DENND2C: variants seen among roughly 807,000 people sequenced by gnomAD.
DENND2C encodes the protein DENN domain containing 2C.
Under a neutral mutation model 112.4 loss-of-function variants are expected in DENND2C, and 72 were observed. The observed-to-expected ratio is 0.64, with a 90% CI of 0.53 to 0.78. The LOEUF (loss-of-function observed/expected upper bound fraction) is 0.78, where lower values mean the gene tolerates loss of function less well. Among genes scored for constraint, DENND2C ranks in the 30% least tolerant of loss-of-function variants. The pLI, the probability that DENND2C is intolerant of heterozygous loss-of-function variation, is 0.00. For synonymous variants in DENND2C, 329 were observed against 381.6 expected, an observed-to-expected ratio of 0.86 and a Z score of 1.61; for missense variants, 992 against 1,113.8, an observed-to-expected ratio of 0.89 and a Z score of 1.56.
At chr1:114,623,415 T>C in intron 5 of DENND2C, 92 bp downstream of exon 5, 4 of 1,281,276 alleles carry the variant, frequency 3.1e-6, no homozygotes, top group Non-Finnish European at 4.4e-6. Flanking sequence ...GAGCAATATA[T>C]GCTTGATTAT....
intron 1 of DENND2C, among the ~76,000 whole-genome samples, chr1:114,657,691 AG>A (rs2101695476): frequency 6.6e-6 from 1 of 152,352 alleles, no homozygotes; most frequent in East Asian, 1.9e-4. Context: ...GAATTGGATG[AG>A]AAAAAAGAAT....
Position 114,583,745 on chromosome 1 carries a change from T to C in DENND2C, c.*1855A>G, listed in dbSNP as rs1654965050. 7.2e-6 allele frequency: 1 copy of C among 139,196 alleles called. No homozygotes were observed. 8.6% of individuals were successfully genotyped at this position (139,196 alleles called of 1,614,324 possible). On this transcript the variant is annotated 3_prime_UTR_variant, in exon 21 of 21. Coordinates refer to ENST00000393274, the MANE Select transcript of DENND2C (RefSeq NM_001256404.2). ...TTGCTTGAAGCCGGGAGGCGGAGGT[T>C]GCAGTGAGCCGAGATCACACCATTG...
intron 3 of DENND2C, among the ~76,000 whole-genome samples, chr1:114,642,957 G>A (rs1656884046): frequency 6.6e-6 from 1 of 152,088 alleles, no homozygotes; most frequent in Non-Finnish European, 1.5e-5. Context: ...CTCCTTTTGT[G>A]TGCTTCTATT....
chr1:114,622,974 T>C lies in DENND2C; in HGVS notation c.1056+13A>G. On this transcript the variant is annotated intron_variant, in intron 6 of 20. Transcript: ENST00000393274. ...GATTCTAATGTTTTCTTCAATTCATTATCTGGTTATACCTTGGGTGCTTTA... is the reference window on the plus strand; with the variant it reads ...GATTCTAATGTTTTCTTCAATTCATCATCTGGTTATACCTTGGGTGCTTTA... 1 of 1,575,724 alleles carries C rather than the reference T, an allele frequency of 6.3e-7. No individual in the cohort carries two copies. The highest frequency in any genetic ancestry group is 8.6e-7 in the Non-Finnish European group (1 of 1,156,482).
chr1:114,589,378 G>C (rs573040856), intron 18 of DENND2C, among the ~76,000 whole-genome samples: 241 of 152,292 alleles, frequency 1.6e-3, no homozygotes, highest in African/African-American at 5.3e-3. Context: ...TATGCAGCTA[G>C]CAGGGCTGAC....
intron 3 of DENND2C, among the ~76,000 whole-genome samples, chr1:114,644,123 C>A (rs1022103057): frequency 6.6e-6 from 1 of 152,122 alleles, no homozygotes; most frequent in Non-Finnish European, 1.5e-5. Context: ...CACCACTTAT[C>A]ATCTTTACTG....
intron 1 of DENND2C, among the ~76,000 whole-genome samples, chr1:114,668,409 A>G (rs1657701926): frequency 6.6e-6 from 1 of 152,178 alleles, no homozygotes; most frequent in African/African-American, 2.4e-5. Flanking sequence ...GACTCACTAC[A>G]GACCATTTAA....
intron 16 of DENND2C, among the ~76,000 whole-genome samples, chr1:114,596,848 C>T (rs1655356273): frequency 6.6e-6 from 1 of 151,868 alleles, no homozygotes; most frequent in Admixed American, 6.6e-5. Flanking sequence ...GACGGTTATC[C>T]ATATAAAAAC....
chr1:114,646,843 T>C (rs1657001809), intron 2 of DENND2C, among the ~76,000 whole-genome samples: 1 of 152,126 alleles, frequency 6.6e-6, no homozygotes, highest in South Asian at 2.1e-4. Context: ...AGCTTTAATG[T>C]TCACCATTTC....
chr1:114,636,787 A>T (rs1557953835), intron 3 of DENND2C, among the ~76,000 whole-genome samples: 2 of 152,274 alleles, frequency 1.3e-5, no homozygotes, highest in East Asian at 3.9e-4. Context: ...TTGTAAATGT[A>T]GGAATTCCTA....
chr1:114,633,012 A>C (rs1355939576), intron 3 of DENND2C, among the ~76,000 whole-genome samples: 3 of 152,140 alleles, frequency 2.0e-5, no homozygotes, highest in Non-Finnish European at 4.4e-5. Flanking sequence ...ATCTCTTTAG[A>C]AGATGACTTG....
At chr1:114,655,866 T>TTA (rs1363716385) in intron 1 of DENND2C, among the ~76,000 whole-genome samples, 33 of 62,460 alleles carry the variant, frequency 5.3e-4, no homozygotes, top group Non-Finnish European at 7.7e-4. Context: ...CAAAGAACTT[T>TTA]TATATATATA....
chr1:114,599,495 TAAGGA>T (rs1407757583), intron 15 of DENND2C, 44 bp from the exon 16 acceptor site: 1 of 1,454,394 alleles, frequency 6.9e-7, no homozygotes, highest in Non-Finnish European at 9.2e-7. Flanking sequence ...TAGAGTAACA[TAAGGA>T]GGACATTTCA....
chr1:114,657,344 T>C (rs566094764), intron 1 of DENND2C, among the ~76,000 whole-genome samples: 1 of 152,366 alleles, frequency 6.6e-6, no homozygotes, highest in East Asian at 1.9e-4. Context: ...ATTATTTTTA[T>C]ACATCATCAT....
intron 2 of DENND2C, among the ~76,000 whole-genome samples, chr1:114,654,205 G>C (rs1267729712): frequency 6.6e-6 from 1 of 152,142 alleles, no homozygotes; most frequent in African/African-American, 2.4e-5. Context: ...GGCTGAGGTG[G>C]GTGGATCACG....
intron 1 of DENND2C, among the ~76,000 whole-genome samples, chr1:114,668,565 G>A (rs1293612249): frequency 7.1e-6 from 1 of 140,630 alleles, no homozygotes; most frequent in Non-Finnish European, 1.5e-5. Flanking sequence ...CCCAACTAAT[G>A]AAAGACCAAG....
At chr1:114,661,285 T>C (rs912835994) in intron 1 of DENND2C, among the ~76,000 whole-genome samples, 3 of 152,206 alleles carry the variant, frequency 2.0e-5, no homozygotes, top group Non-Finnish European at 4.4e-5. Flanking sequence ...TAGAGCTATG[T>C]CATCACTAAG....
chr1:114,614,251 G>T (rs1655897604), intron 8 of DENND2C, among the ~76,000 whole-genome samples: 1 of 149,414 alleles, frequency 6.7e-6, no homozygotes, highest in African/African-American at 2.5e-5. Flanking sequence ...AAAAAAAACT[G>T]AAGAAATATT....
intron 3 of DENND2C, among the ~76,000 whole-genome samples, chr1:114,636,085 A>G (rs2101676694): frequency 6.6e-6 from 1 of 151,266 alleles, no homozygotes; most frequent in East Asian, 1.9e-4. Context: ...AAATATACAG[A>G]AAGGATACCA....
Sources: gnomAD v4.1 joint callset for allele counts (sites outside exome capture counted in the v4.1 genomes callset) on GRCh38, gnomAD v4.1.1 for gene constraint, MANE v1.5 for transcripts, NCBI Gene and HGNC (gene_info 2026-07-23, HGNC 2026-07-21) for gene names.